Variants in CCDC38 observed in about 807,000 individuals in gnomAD.
CCDC38 encodes coiled-coil domain-containing protein 38.
A neutral mutation model predicts 72.8 loss-of-function variants in CCDC38; 69 were observed. The observed-to-expected ratio is 0.95, with a 90% CI of 0.78 to 1.16. The LOEUF is 1.16. Among genes scored for constraint, CCDC38 ranks in the 50% most tolerant of loss-of-function variants. CCDC38 has a pLI of 0.00. For missense variants in CCDC38, 626 were observed against 638.9 expected, an observed-to-expected ratio of 0.98 and a Z score of 0.22; for synonymous variants, 201 against 213.2, an observed-to-expected ratio of 0.94 and a Z score of 0.50.
At chr12:95,900,306 A>T (rs561981560) in intron 5 of CCDC38, among the ~76,000 whole-genome samples, 1 of 152,322 alleles carries the variant, frequency 6.6e-6, no homozygotes, top group Admixed American at 6.5e-5. Flanking sequence ...AAAGATCAAA[A>T]TTCTAAAATC....
At chr12:95,919,450 G>C in intron 2 of CCDC38, 1 of 445,126 alleles carries the variant, frequency 2.2e-6, no homozygotes, top group Admixed American at 2.4e-5. Context: ...TATTAAGTTA[G>C]GTTGCAGTTC....
At chr12:95,921,930 T>C (rs2080213920) in intron 2 of CCDC38, among the ~76,000 whole-genome samples, 1 of 152,174 alleles carries the variant, frequency 6.6e-6, no homozygotes, top group Non-Finnish European at 1.5e-5. Context: ...CACCTCCAGA[T>C]ATTCTGACTT....
At chr12:95,939,863 G>A (rs897544387) in intron 1 of CCDC38, among the ~76,000 whole-genome samples, 2 of 152,176 alleles carry the variant, frequency 1.3e-5, no homozygotes, top group African/African-American at 4.8e-5. Context: ...AGGGTAGTAG[G>A]AATGGCACTA....
Position 95,898,617 on chromosome 12 carries a change from C to T in CCDC38, c.484G>A (p.Glu162Lys), listed in dbSNP as rs2079917746. The T allele has an allele frequency of 6.2e-7, 1 of 1,614,212 alleles. No individual in the cohort carries two copies. Among genetic ancestry groups the T allele is most frequent in the Non-Finnish European group, 8.5e-7 (1 of 1,180,028 alleles). Reference sequence around the variant, plus strand: ...TGGTCATTTTCTCGAAGGAACTCTTCAAAGGCCAGTGCATCATCTTGGAGC... The same window carrying T: ...TGGTCATTTTCTCGAAGGAACTCTTTAAAGGCCAGTGCATCATCTTGGAGC... ...KKLQDDALAF[E>K]EFLRENDQRS... is the part of the protein sequence containing the mutation. The change falls in exon 6 of 16, where the codon GAA (glutamate) becomes AAA (lysine). Residue 162 changes from glutamate (E) to lysine (K), a missense_variant. Transcript: ENST00000344280.
chr12:95,872,327 T>G lies in CCDC38; in HGVS notation c.1412A>C (p.Asp471Ala). 1 of 1,614,178 alleles carries G rather than the reference T, an allele frequency of 6.2e-7. No homozygotes were observed. Among genetic ancestry groups the G allele is most frequent in the South Asian group, 1.1e-5 (1 of 91,084 alleles). The change falls in exon 14 of 16, where the codon GAC becomes GCC. Residue 471 changes from aspartate (D) to alanine (A), a missense_variant. By Grantham distance (126) the Asp-to-Ala change is moderately radical. Transcript: ENST00000344280. ...TTCTTTGGGAATGGATTCGATGAGG[T>G]CACACAGTTCTACCAGGCGAGATTC... ...KVESRLVELC[D>A]LIESIPKENV... is the part of the protein sequence containing the mutation.
At chr12:95,884,865 A>T (rs923643359) in intron 10 of CCDC38, among the ~76,000 whole-genome samples, 1 of 152,172 alleles carries the variant, frequency 6.6e-6, no homozygotes, top group Non-Finnish European at 1.5e-5. Flanking sequence ...GTGTAATAAA[A>T]ATATATATAT....
chr12:95,902,518 T>A (rs1391578457), intron 5 of CCDC38, among the ~76,000 whole-genome samples: 2 of 152,216 alleles, frequency 1.3e-5, no homozygotes, highest in East Asian at 3.8e-4. Flanking sequence ...ACAACTATTT[T>A]AAGAGTCATC....
chr12:95,925,710 G>A (rs540061744), intron 2 of CCDC38, among the ~76,000 whole-genome samples: 46 of 152,112 alleles, frequency 3.0e-4, no homozygotes, highest in African/African-American at 1.0e-3. Context: ...TTTGAGATAC[G>A]TCCCATCAAT....
chr12:95,878,430 T>C (rs533340102), intron 12 of CCDC38, 84 bp from the exon 13 acceptor site: 2 of 1,350,978 alleles, frequency 1.5e-6, no homozygotes, highest in East Asian at 4.6e-5. Flanking sequence ...ACACTCTAGA[T>C]CATGTGTCAA....
Position 95,930,305 on chromosome 12 carries a change from T to A in CCDC38, c.37+6168A>T, listed in dbSNP as rs895494191. 3.9e-5 allele frequency among the ~76,000 whole-genome samples: 6 copies of A among 151,928 alleles called. No individual in the cohort carries two copies. The East Asian group carries it at 1.2e-3, about 29-fold the overall frequency. On this transcript the variant is annotated intron_variant, in intron 2 of 15. Transcript: ENST00000344280. Reference sequence around the variant, plus strand: ...GTGGCTTAAAACAACAGAAATGTAGTCTCTCACAGTTCTGGAGGCCACAAG... The same window carrying A: ...GTGGCTTAAAACAACAGAAATGTAGACTCTCACAGTTCTGGAGGCCACAAG...
intron 5 of CCDC38, among the ~76,000 whole-genome samples, chr12:95,904,356 T>C (rs1011609468): frequency 5.3e-5 from 8 of 152,264 alleles, no homozygotes; most frequent in Non-Finnish European, 8.8e-5. Flanking sequence ...CTCTCACTTC[T>C]GACACTGACC....
Position 95,881,488 on chromosome 12 carries a change from A to G in CCDC38, c.987T>C (p.Asp329=), listed in dbSNP as rs1246110185. Residue 329 remains aspartate (D), a synonymous_variant, in exon 11 of 16, where the codon GAT becomes GAC. Coordinates refer to ENST00000344280, the MANE Select transcript of CCDC38 (RefSeq NM_182496.3). Reference sequence around the variant, plus strand: ...CTAGCAAATATAATCTGGTTACCAAATCAACGTCCATTTCATCATCTAAAA... The same window carrying G: ...CTAGCAAATATAATCTGGTTACCAAGTCAACGTCCATTTCATCATCTAAAA... ...EFLLDDEMDV[D]LEPALYFKEP... 4 of 1,607,584 alleles carry G rather than the reference A, an allele frequency of 2.5e-6. No homozygotes were observed. Among genetic ancestry groups the G allele is most frequent in the African/African-American group, 1.3e-5 (1 of 74,830 alleles).
At chr12:95,920,716 G>T in intron 2 of CCDC38, among the ~76,000 whole-genome samples, 1 of 151,674 alleles carries the variant, frequency 6.6e-6, no homozygotes, top group East Asian at 1.9e-4. Flanking sequence ...GGGCCTAGGG[G>T]TTGATGGCTG....
At chr12:95,933,190 A>G (rs543842087) in intron 2 of CCDC38, 1 of 152,322 alleles carries the variant, frequency 6.6e-6, no homozygotes, top group South Asian at 2.1e-4. Flanking sequence ...AAATATTGAT[A>G]AATTCAGCTA....
intron 5 of CCDC38, among the ~76,000 whole-genome samples, chr12:95,903,058 G>C (rs528211331): frequency 6.6e-6 from 1 of 151,936 alleles, no homozygotes; most frequent in African/African-American, 2.4e-5. Context: ...CATTTATTTA[G>C]GTCTTTAATT....
At chr12:95,905,256 G>A (rs1490333461) in intron 5 of CCDC38, among the ~76,000 whole-genome samples, 1 of 152,036 alleles carries the variant, frequency 6.6e-6, no homozygotes, top group African/African-American at 2.4e-5. Context: ...GGATACAGAG[G>A]GTAGACTGTA....
At chr12:95,867,220 A>G in intron 15 of CCDC38, 31 bp from the exon 16 acceptor site, 1 of 1,211,124 alleles carries the variant, frequency 8.3e-7, no homozygotes. Flanking sequence ...AATACTTAAT[A>G]TTTTTTGAGC....
At chr12:95,916,379 GCCTTCCTTCCTT>G (rs63210665) in intron 4 of CCDC38, among the ~76,000 whole-genome samples, 2,910 of 147,444 alleles carry the variant, frequency 0.02, 90 homozygotes, top group African/African-American at 0.07. Flanking sequence ...TTGCCTGCCT[GCCTTCCTTCCTT>G]CCTTCCTTCC....
chr12:95,894,893 G>A (rs1421497200), intron 8 of CCDC38, 96 bp downstream of exon 8: 2 of 1,039,736 alleles, frequency 1.9e-6, no homozygotes, highest in Non-Finnish European at 2.8e-6. Flanking sequence ...TTTAGATCCT[G>A]CTTAAAAAAA....
Sources: gnomAD v4.1 joint callset for allele counts (sites outside exome capture counted in the v4.1 genomes callset) on GRCh38, gnomAD v4.1.1 for gene constraint, MANE v1.5 for transcripts, NCBI Gene and HGNC (gene_info 2026-07-23, HGNC 2026-07-21) for gene names.